THADA: variants seen among roughly 807,000 people sequenced by gnomAD.
THADA encodes THADA armadillo repeat containing.
In THADA, 213 loss-of-function variants were observed where a neutral mutation model predicts 219.8. The observed-to-expected ratio is 0.97, with a 90% CI of 0.87 to 1.09. The LOEUF is 1.09. THADA is among the 50% of genes least tolerant of loss of function. The pLI is 0.00. For synonymous variants in THADA, 1,018 were observed against 828.9 expected, an observed-to-expected ratio of 1.23 and a Z score of -3.92; for missense variants, 2,956 against 2,311.3, an observed-to-expected ratio of 1.28 and a Z score of -5.72.
intron 19 of THADA, among the ~76,000 whole-genome samples, chr2:43,551,581 G>C (rs1158604117): frequency 7.2e-6 from 1 of 138,254 alleles, no homozygotes; most frequent in Non-Finnish European, 1.5e-5. Flanking sequence ...TCATCCTCTG[G>C]TTTGGGAATT....
At chr2:43,411,488 T>TC (rs1238086864) in intron 28 of THADA, among the ~76,000 whole-genome samples, 3 of 152,074 alleles carry the variant, frequency 2.0e-5, no homozygotes. Context: ...AAGATTCCCC[T>TC]CCCCCCAACT....
chr2:43,490,603 A>G (rs1373292479), intron 25 of THADA, among the ~76,000 whole-genome samples: 2 of 152,202 alleles, frequency 1.3e-5, no homozygotes, highest in Non-Finnish European at 2.9e-5. Context: ...TTCACACAGT[A>G]TATTACATTA....
intron 29 of THADA, among the ~76,000 whole-genome samples, chr2:43,365,629 C>T (rs2104603930): frequency 6.6e-6 from 1 of 151,210 alleles, no homozygotes; most frequent in Non-Finnish European, 1.5e-5. Context: ...AGATATGAGG[C>T]AAATGCAGTT....
chr2:43,549,109 G>C (rs1329593033), intron 20 of THADA, 101 bp downstream of exon 20: 3 of 1,068,122 alleles, frequency 2.8e-6, no homozygotes, highest in Non-Finnish European at 3.8e-6. Context: ...GAAATGTTCT[G>C]CACAGATTTG....
intron 28 of THADA, among the ~76,000 whole-genome samples, chr2:43,399,514 C>T (rs1674513968): frequency 6.6e-6 from 1 of 152,114 alleles, no homozygotes; most frequent in Non-Finnish European, 1.5e-5. Flanking sequence ...AGCAGAATTT[C>T]ATCATGGTGT....
At chr2:43,501,307 C>CAAAAAA (rs60448094) in intron 24 of THADA, among the ~76,000 whole-genome samples, 159 of 15,046 alleles carry the variant, frequency 0.011, 16 homozygotes, top group Non-Finnish European at 0.013. Context: ...ACTCCAACTC[C>CAAAAAA]AAAAAAAAAA....
intron 31 of THADA, among the ~76,000 whole-genome samples, chr2:43,317,523 A>G (rs1210195049): frequency 4.6e-5 from 7 of 152,234 alleles, no homozygotes; most frequent in Non-Finnish European, 8.8e-5. Context: ...TGATCACCTT[A>G]TTTGGTGATA....
At chr2:43,303,642 A>C (rs1676510028) in intron 31 of THADA, among the ~76,000 whole-genome samples, 1 of 151,632 alleles carries the variant, frequency 6.6e-6, no homozygotes, top group African/African-American at 2.4e-5. Context: ...TTCTGAAAAA[A>C]AAATGGTAAT....
chr2:43,400,476 T>TATATATATATATATATAA (rs903186497), intron 28 of THADA, among the ~76,000 whole-genome samples: 15 of 144,452 alleles, frequency 1.0e-4, no homozygotes, highest in African/African-American at 3.8e-4. Context: ...TATATATATA[T>TATATATATATATATATAA]AAATATATAC....
At chr2:43,513,399 G>C (rs1382987726) in intron 22 of THADA, among the ~76,000 whole-genome samples, 2 of 152,196 alleles carry the variant, frequency 1.3e-5, no homozygotes, top group Non-Finnish European at 2.9e-5. Context: ...ATGCAAAGTA[G>C]TGAGTGTGCT....
intron 17 of THADA, 115 bp from the exon 18 acceptor site, chr2:43,552,454 G>T: frequency 1.8e-6 from 2 of 1,125,606 alleles, no homozygotes; most frequent in Admixed American, 6.4e-5. Flanking sequence ...TTACACTAGA[G>T]TTTTTTAATC....
At chr2:43,393,606 G>C (rs1673671839) in intron 29 of THADA, among the ~76,000 whole-genome samples, 2 of 151,854 alleles carry the variant, frequency 1.3e-5, no homozygotes, top group Admixed American at 1.3e-4. Flanking sequence ...TACTCGGGAG[G>C]CTAAGGCAGG....
Position 43,574,768 on chromosome 2 carries a change from G to T in THADA, c.1297C>A (p.Pro433Thr), listed in dbSNP as rs775840394. Residue 433 changes from proline (P) to threonine (T), a missense_variant, in exon 11 of 38, where the codon CCT (proline) becomes ACT (threonine). Coordinates refer to ENST00000405975, the MANE Select transcript of THADA (RefSeq NM_022065.5). Reference protein sequence around the residue: ...RLTVEGADFVPDPFFVELTES... With the variant: ...RLTVEGADFVTDPFFVELTES... ...GTCAATTCCACAAAGAAAGGATCAG[G>T]GACGAAATCTGCACCTTCCACAGTG... 42 of 1,613,872 alleles carry T rather than the reference G, an allele frequency of 2.6e-5. No individual in the cohort carries two copies. The South Asian group carries it at 4.6e-4, about 18-fold the overall frequency.
intron 31 of THADA, among the ~76,000 whole-genome samples, chr2:43,311,206 A>C (rs1677472079): frequency 6.6e-6 from 1 of 152,222 alleles, no homozygotes; most frequent in African/African-American, 2.4e-5. Context: ...CTCACTTAAA[A>C]ATGCGCAAAG....
chr2:43,397,976 G>C lies in THADA; in HGVS notation c.4222C>G (p.Leu1408Val). Residue 1408 changes from leucine to valine, a missense_variant, in exon 29 of 38, where the codon CTC becomes GTC. Physicochemically the swap from Leu to Val is conservative, Grantham distance 32. Coordinates refer to ENST00000405975, the MANE Select transcript of THADA (RefSeq NM_022065.5). Reference sequence around the variant, plus strand: ...CACAAAGCAACTTTACTTACCTGGAGAAGTGTCCCATGAATGTGGTTTTGC... The same window carrying C: ...CACAAAGCAACTTTACTTACCTGGACAAGTGTCCCATGAATGTGGTTTTGC... ...FRQNHIHGTL[L>V]QVFHLLQAYS... 1 of 1,613,864 alleles carries C rather than the reference G, an allele frequency of 6.2e-7. No individual in the cohort carries two copies. The highest frequency in any genetic ancestry group is 1.3e-5 in the African/African-American group (1 of 75,038).
At chr2:43,335,795 T>C (rs1249010744) in intron 30 of THADA, among the ~76,000 whole-genome samples, 3 of 118,406 alleles carry the variant, frequency 2.5e-5, no homozygotes, top group Non-Finnish European at 5.2e-5. Context: ...CTGTCTCTAC[T>C]TTAAAAAAAA....
Position 43,572,890 on chromosome 2 carries a change from T to C in THADA, c.1832A>G (p.Gln611Arg). The part of the protein sequence containing the change: ...LRIARAHGHL[Q>R]SATDTWENLV... ...GTTCTCCCAGGTATCAGTTGCAGAC[T>C]GAAGATGTCCATGAGCTCTAGCTAT... The change falls in exon 12 of 38, where the codon CAG (glutamine) becomes CGG (arginine). Residue 611 changes from glutamine (Q) to arginine (R), a missense_variant. Coordinates refer to ENST00000405975, the MANE Select transcript of THADA (RefSeq NM_022065.5). 6.2e-7 allele frequency: 1 copy of C among 1,613,986 alleles called. No individual in the cohort carries two copies. The highest frequency in any genetic ancestry group is 1.1e-5 in the South Asian group (1 of 91,086).
chr2:43,314,950 C>T (rs1043540184), intron 31 of THADA, among the ~76,000 whole-genome samples: 3 of 152,176 alleles, frequency 2.0e-5, no homozygotes, highest in Non-Finnish European at 4.4e-5. Context: ...ACATAAAACA[C>T]ATCATTATCT....
At position 43,544,924 on chromosome 2, in the gene THADA, T is replaced by C. The variant is rs1294625553; in HGVS notation, c.3107-3608A>G. ...CTTCCAACACTATGTTGAATAGGAGTGGTGAGAGAGGGCATCCCTGTCTTG... is the reference window on the plus strand; with the variant it reads ...CTTCCAACACTATGTTGAATAGGAGCGGTGAGAGAGGGCATCCCTGTCTTG... On this transcript the variant is annotated intron_variant, in intron 20 of 37. Transcript: ENST00000405975. 6.7e-5 allele frequency among the ~76,000 whole-genome samples: 10 copies of C among 150,144 alleles called. No homozygotes were observed. In the South Asian group the frequency reaches 8.5e-4, roughly 13 times the overall value.
Sources: allele counts gnomAD v4.1 joint callset (sites outside exome capture counted in the v4.1 genomes callset), GRCh38; gene constraint gnomAD v4.1.1; transcripts MANE v1.5; gene names NCBI Gene and HGNC (gene_info 2026-07-23, HGNC 2026-07-21).